RNF152: variants seen among roughly 807,000 people sequenced by gnomAD.
RNF152 encodes E3 ubiquitin-protein ligase RNF152.
Under a neutral mutation model 12.7 loss-of-function variants are expected in RNF152, and 11 were observed. That is an observed-to-expected ratio of 0.86 (90% CI 0.54 to 1.43). The LOEUF (loss-of-function observed/expected upper bound fraction) is 1.43, where lower values mean the gene tolerates loss of function less well. Among genes scored for constraint, RNF152 ranks in the 40% most tolerant of loss-of-function variants. The pLI, the probability that RNF152 is intolerant of heterozygous loss-of-function variation, is 0.00. For synonymous variants in RNF152, 113 were observed against 120.3 expected (o/e 0.94, Z 0.40); for missense variants, 255 against 274.8 (o/e 0.93, Z 0.51).
Position 61,814,219 on chromosome 18 carries a change from C to G in RNF152, c.*1633G>C, listed in dbSNP as rs75659514. 3 of 152,028 alleles carry G rather than the reference C, an allele frequency of 2.0e-5. No individual in the cohort carries two copies. The highest frequency in any genetic ancestry group is 4.1e-4 in the South Asian group (2 of 4,832). The allele number at this position is 152,028 out of a possible 1,614,324, so 9.4% of individuals were successfully genotyped here. A position where few individuals can be genotyped will look rare whatever the true frequency, so the allele number is the denominator to read the frequency against. ...TTTTGTGCTGCTTGAAGATAACAGACAGCATGTAAATAAATTAAATTGTCT... is the reference window on the plus strand; with the variant it reads ...TTTTGTGCTGCTTGAAGATAACAGAGAGCATGTAAATAAATTAAATTGTCT... On this transcript the variant is annotated 3_prime_UTR_variant, in exon 2 of 2. Transcript: ENST00000312828.
At chr18:61,865,898 A>G (rs937828725) in intron 1 of RNF152, among the ~76,000 whole-genome samples, 5 of 152,186 alleles carry the variant, frequency 3.3e-5, no homozygotes, top group African/African-American at 1.2e-4. Flanking sequence ...GCTGAGTGTC[A>G]ATTACATATC....
chr18:61,844,499 G>A (rs1910660918), intron 1 of RNF152, among the ~76,000 whole-genome samples: 1 of 152,200 alleles, frequency 6.6e-6, no homozygotes, highest in South Asian at 2.1e-4. Context: ...GGTGGAAAAA[G>A]CCACACTGGC....
At position 61,811,868 on chromosome 18, in the gene RNF152, T is replaced by G. The variant is rs571674741; in HGVS notation, c.*3984A>C. 2.0e-5 allele frequency: 3 copies of G among 152,206 alleles called. No homozygotes were observed. Among genetic ancestry groups the G allele is most frequent in the Non-Finnish European group, 4.4e-5 (3 of 68,032 alleles). 9.4% of individuals were successfully genotyped at this position (152,206 alleles called of 1,614,324 possible). ...CTAACTACTATTTTTGGACAATAGG[T>G]TAACATGCAGCTAATGATCCCAGAA... On this transcript the variant is annotated 3_prime_UTR_variant, in exon 2 of 2. Coordinates refer to ENST00000312828, the MANE Select transcript of RNF152 (RefSeq NM_173557.3).
In RNF152 at chr18:61,815,624, T is replaced by C. The variant is rs1234569857; in HGVS notation, c.*228A>G. 3 of 539,038 alleles carry C rather than the reference T, an allele frequency of 5.6e-6. No homozygotes were observed. The highest frequency in any genetic ancestry group is 9.9e-6 in the Non-Finnish European group (3 of 302,930). 33.4% of individuals were successfully genotyped at this position (539,038 alleles called of 1,614,324 possible). Reference sequence around the variant, plus strand: ...TACATGATTATGAGGATGCATGCAATCATCTTCCAAGCTGTTGCCATCAAC... The same window carrying C: ...TACATGATTATGAGGATGCATGCAACCATCTTCCAAGCTGTTGCCATCAAC... On this transcript the variant is annotated 3_prime_UTR_variant, in exon 2 of 2. Transcript: ENST00000312828.
rs1911880400 is a variant in RNF152, at chr18:61,869,302, T to A, written c.-136+23493A>T. Reference sequence around the variant, plus strand: ...TCAGGGGTCTTCTTCCAATCATACTTCCAAGCAACTCAAGTGTTCAAAGAA... The same window carrying A: ...TCAGGGGTCTTCTTCCAATCATACTACCAAGCAACTCAAGTGTTCAAAGAA... On this transcript the variant is annotated intron_variant, in intron 1 of 1. Coordinates refer to ENST00000312828, the MANE Select transcript of RNF152 (RefSeq NM_173557.3). Among the ~76,000 whole-genome samples the A allele has an allele frequency of 4.6e-5, 7 of 152,270 alleles. No homozygotes were observed. In the South Asian group the frequency reaches 1.5e-3, roughly 32 times the overall value.
At chr18:61,828,050 C>T (rs761540095) in intron 1 of RNF152, among the ~76,000 whole-genome samples, 8 of 152,156 alleles carry the variant, frequency 5.3e-5, no homozygotes, top group Non-Finnish European at 8.8e-5. Flanking sequence ...CAATAAAATG[C>T]ACATATGTTC....
chr18:61,844,832 TCTGA>T (rs1910676475), intron 1 of RNF152, among the ~76,000 whole-genome samples: 1 of 152,002 alleles, frequency 6.6e-6, no homozygotes, highest in Admixed American at 6.6e-5. Context: ...TTTAAAAGGC[TCTGA>T]TGACCTTTAG....
At chr18:61,836,241 T>A (rs963822672) in intron 1 of RNF152, among the ~76,000 whole-genome samples, 15 of 151,824 alleles carry the variant, frequency 9.9e-5, no homozygotes, top group Admixed American at 2.0e-4. Context: ...CGTGGGGACA[T>A]GGGGACATGT....
chr18:61,870,592 T>C (rs1911947042), intron 1 of RNF152, among the ~76,000 whole-genome samples: 1 of 152,076 alleles, frequency 6.6e-6, no homozygotes, highest in Admixed American at 6.6e-5. Context: ...CCCTGTAGGT[T>C]TTCCACCAGG....
intron 1 of RNF152, among the ~76,000 whole-genome samples, chr18:61,856,224 A>G (rs1323095049): frequency 6.6e-6 from 1 of 152,228 alleles, no homozygotes; most frequent in Admixed American, 6.5e-5. Context: ...AAGCGATGAC[A>G]ATGAAGCCAA....
intron 1 of RNF152, among the ~76,000 whole-genome samples, chr18:61,836,277 A>C (rs976428253): frequency 7.9e-5 from 12 of 152,144 alleles, no homozygotes; most frequent in African/African-American, 2.9e-4. Flanking sequence ...GCCAGCTCAC[A>C]GTGGAGTGGC....
intron 1 of RNF152, among the ~76,000 whole-genome samples, chr18:61,866,120 G>A: frequency 6.6e-6 from 1 of 152,122 alleles, no homozygotes; most frequent in Non-Finnish European, 1.5e-5. Flanking sequence ...GAATTTGGAG[G>A]GCTGAGTGGC....
rs948481116 is a variant in RNF152, at chr18:61,810,051, C to T, written c.*5801G>A. The T allele has an allele frequency of 6.6e-6, 1 of 151,994 alleles. No homozygotes were observed. Among genetic ancestry groups the T allele is most frequent in the African/African-American group, 2.4e-5 (1 of 41,394 alleles). 9.4% of individuals were successfully genotyped at this position (151,994 alleles called of 1,614,324 possible). On this transcript the variant is annotated 3_prime_UTR_variant, in exon 2 of 2. Transcript: ENST00000312828. ...AGTTCTTCAATGATTAATGGCTTTCCAATAAAATGTATACAGTAGAACCTA... is the reference window on the plus strand; with the variant it reads ...AGTTCTTCAATGATTAATGGCTTTCTAATAAAATGTATACAGTAGAACCTA...
chr18:61,818,022 T>C (rs1909197108), intron 1 of RNF152, among the ~76,000 whole-genome samples: 1 of 152,172 alleles, frequency 6.6e-6, no homozygotes, highest in African/African-American at 2.4e-5. Context: ...TTCACATTTG[T>C]CTTAAAAGTG....
chr18:61,863,527 T>G (rs541948115), intron 1 of RNF152, among the ~76,000 whole-genome samples: 43 of 152,148 alleles, frequency 2.8e-4, no homozygotes, highest in Non-Finnish European at 5.6e-4. Context: ...TTCTACTGAC[T>G]TTTTACATGG....
chr18:61,868,296 C>T (rs1402270944), intron 1 of RNF152, among the ~76,000 whole-genome samples: 1 of 152,178 alleles, frequency 6.6e-6, no homozygotes, highest in Non-Finnish European at 1.5e-5. Flanking sequence ...TTCCAAGTCT[C>T]AAGAGCAGCT....
intron 1 of RNF152, chr18:61,890,267 T>C (rs528792776): frequency 6.6e-6 from 1 of 152,348 alleles, no homozygotes; most frequent in East Asian, 1.9e-4. Flanking sequence ...CTAGTGCTAC[T>C]CACCCATATC....
At chr18:61,844,146 GAGA>G (rs1910629850) in intron 1 of RNF152, among the ~76,000 whole-genome samples, 1 of 136,580 alleles carries the variant, frequency 7.3e-6, no homozygotes, top group African/African-American at 2.7e-5. Flanking sequence ...AAGAAATTAA[GAGA>G]AAAGGAAGGA....
At chr18:61,860,931 A>C (rs1340575135) in intron 1 of RNF152, among the ~76,000 whole-genome samples, 1 of 152,234 alleles carries the variant, frequency 6.6e-6, no homozygotes, top group Non-Finnish European at 1.5e-5. Context: ...AAAAAAATTA[A>C]TTTTACAAAT....
Sources: allele counts gnomAD v4.1 joint callset (sites outside exome capture counted in the v4.1 genomes callset), GRCh38; gene constraint gnomAD v4.1.1; transcripts MANE v1.5; gene names NCBI Gene and HGNC (gene_info 2026-07-23, HGNC 2026-07-21).